LGSN: variants seen among roughly 807,000 people sequenced by gnomAD.
The protein encoded by LGSN is lengsin, lens protein with glutamine synthetase domain, also known as lengsin.
LGSN carries 21 observed loss-of-function variants against 19.5 expected under a neutral mutation model. The ratio of observed to expected loss-of-function variants is 1.07; its 90% CI spans 0.76 to 1.55. LGSN has a LOEUF of 1.55. LGSN is among the 40% of genes most tolerant of loss of function. The probability of loss-of-function intolerance (pLI) is 0.00; values close to 1 mark genes in which losing one functional copy is unlikely to be tolerated. For missense variants in LGSN, 673 were observed against 608.5 expected, an observed-to-expected ratio of 1.11 and a Z score of -1.12; for synonymous variants, 257 against 215.6, an observed-to-expected ratio of 1.19 and a Z score of -1.68.
chr6:63,560,235 G>A, the LGSN span, among the ~76,000 whole-genome samples: 3 of 151,410 alleles, frequency 2.0e-5, no homozygotes, highest in Admixed American at 2.0e-4. Context: ...CTACTTGGGA[G>A]GCTGAGGCAG....
At chr6:63,414,309 C>A in the LGSN span, among the ~76,000 whole-genome samples, 1 of 152,122 alleles carries the variant, frequency 6.6e-6, no homozygotes, top group Non-Finnish European at 1.5e-5. Context: ...TTGTCACATA[C>A]ATCTGTAAAA....
At chr6:63,498,462 C>A in the LGSN span, among the ~76,000 whole-genome samples, 1 of 152,038 alleles carries the variant, frequency 6.6e-6, no homozygotes, top group Non-Finnish European at 1.5e-5. Context: ...TTATCTCTAC[C>A]TTCCATTTTC....
the LGSN span, among the ~76,000 whole-genome samples, chr6:63,356,879 G>C: frequency 6.6e-4 from 100 of 151,962 alleles, no homozygotes; most frequent in African/African-American, 2.2e-3. Context: ...TGTACACAAC[G>C]TGCAGGTTTG....
At chr6:63,551,851 G>A in the LGSN span, among the ~76,000 whole-genome samples, 5 of 152,196 alleles carry the variant, frequency 3.3e-5, no homozygotes, top group East Asian at 1.9e-4. Flanking sequence ...CTTCATCCAC[G>A]TCCCTACAAA....
At chr6:63,443,550 C>A in the LGSN span, 7 of 993,100 alleles carry the variant, frequency 7.0e-6, no homozygotes, top group Non-Finnish European at 5.0e-6. Flanking sequence ...TCTGCACCAC[C>A]ATGAGATCCT....
the LGSN span, among the ~76,000 whole-genome samples, chr6:63,410,674 T>C: frequency 6.6e-5 from 10 of 152,160 alleles, no homozygotes; most frequent in Non-Finnish European, 1.2e-4. Context: ...TAAAGTGCAA[T>C]GAACGCAGTT....
chr6:63,392,436 C>T, the LGSN span: 1 of 152,532 alleles, frequency 6.6e-6, no homozygotes, highest in South Asian at 2.1e-4. Flanking sequence ...TCACTGCTAT[C>T]ATGTGGACTA....
the LGSN span, among the ~76,000 whole-genome samples, chr6:63,451,997 C>G: frequency 6.7e-6 from 1 of 149,360 alleles, no homozygotes; most frequent in African/African-American, 2.5e-5. Flanking sequence ...AAAAAATACT[C>G]TGTTAAGAAT....
At chr6:63,386,048 T>C in the LGSN span, among the ~76,000 whole-genome samples, 1 of 152,200 alleles carries the variant, frequency 6.6e-6, no homozygotes, top group Non-Finnish European at 1.5e-5. Context: ...CTTAACAGTT[T>C]TAAAAAATTA....
chr6:63,573,225 G>A, the LGSN span: 1 of 152,884 alleles, frequency 6.5e-6, no homozygotes, highest in Non-Finnish European at 1.5e-5. Context: ...GTGGGGCGAG[G>A]GCTGCGCGTG....
At chr6:63,315,602 T>TTCTCTC (rs539021063) in intron 1 of LGSN, among the ~76,000 whole-genome samples, 2,032 of 129,246 alleles carry the variant, frequency 0.016, 43 homozygotes, top group African/African-American at 0.056. Flanking sequence ...AGCTAAAATG[T>TTCTCTC]TCTCTCTCTC....
At chr6:63,358,122 C>G in the LGSN span, among the ~76,000 whole-genome samples, 1 of 151,982 alleles carries the variant, frequency 6.6e-6, no homozygotes, top group Non-Finnish European at 1.5e-5. Flanking sequence ...TTGTCAGGTT[C>G]GTCAAAGATC....
chr6:63,492,085 A>T, the LGSN span, among the ~76,000 whole-genome samples: 2 of 152,260 alleles, frequency 1.3e-5, no homozygotes, highest in East Asian at 3.9e-4. Context: ...TTCTACTTCA[A>T]ATTATACGAG....
chr6:63,562,952 C>T, the LGSN span, among the ~76,000 whole-genome samples: 540 of 152,272 alleles, frequency 3.5e-3, 3 homozygotes, highest in Non-Finnish European at 6.5e-3. Context: ...AAACCATGGC[C>T]TTATATCTCT....
chr6:63,449,582 T>A, the LGSN span, among the ~76,000 whole-genome samples: 1 of 149,338 alleles, frequency 6.7e-6, no homozygotes, highest in Non-Finnish European at 1.5e-5. Context: ...TCTGGGATAA[T>A]GGTGACTAGA....
At chr6:63,484,781 G>A in the LGSN span, among the ~76,000 whole-genome samples, 2 of 152,140 alleles carry the variant, frequency 1.3e-5, no homozygotes. Context: ...AATAACTTCT[G>A]GACCAGTTGT....
the LGSN span, among the ~76,000 whole-genome samples, chr6:63,551,790 G>C: frequency 1.3e-5 from 2 of 151,068 alleles, no homozygotes; most frequent in African/African-American, 4.9e-5. Context: ...GAGAACATGT[G>C]GTGTTTGGTT....
At chr6:63,480,215 T>A in the LGSN span, 2 of 221,734 alleles carry the variant, frequency 9.0e-6, no homozygotes, top group Non-Finnish European at 2.0e-5. Flanking sequence ...CAACAAGGGG[T>A]ATGTGCCATC....
the LGSN span, among the ~76,000 whole-genome samples, chr6:63,518,816 GA>G: frequency 6.6e-6 from 1 of 152,088 alleles, no homozygotes; most frequent in African/African-American, 2.4e-5. Context: ...ACTCAGTATT[GA>G]AAAATGCACA....
Sources: allele counts gnomAD v4.1 joint callset (sites outside exome capture counted in the v4.1 genomes callset), GRCh38; gene constraint gnomAD v4.1.1; transcripts MANE v1.5; gene names NCBI Gene and HGNC (gene_info 2026-07-23, HGNC 2026-07-21).